MYO16: variants seen among roughly 807,000 people sequenced by gnomAD.
MYO16 encodes unconventional myosin-XVI.
In MYO16, 94 loss-of-function variants were observed where a neutral mutation model predicts 205.3. That is an observed-to-expected ratio of 0.46 (90% CI 0.39 to 0.54). The LOEUF (loss-of-function observed/expected upper bound fraction) is 0.54, where lower values mean the gene tolerates loss of function less well. MYO16 is among the 20% of genes least tolerant of loss of function. The probability of loss-of-function intolerance (pLI) is 0.00; values close to 1 mark genes in which losing one functional copy is unlikely to be tolerated. For missense variants in MYO16, 2,315 were observed against 2,387.5 expected (o/e 0.97, Z 0.63); for synonymous variants, 988 against 954.0 (o/e 1.04, Z -0.66).
chr13:108,795,302 G>A (rs1159361190), intron 6 of MYO16, among the ~76,000 whole-genome samples: 8 of 151,426 alleles, frequency 5.3e-5, no homozygotes, highest in Non-Finnish European at 7.4e-5. Context: ...AGTGATTCTC[G>A]TGTCCAAGTG....
chr13:109,013,078 T>TA (rs1226565637), intron 22 of MYO16, among the ~76,000 whole-genome samples: 2 of 148,106 alleles, frequency 1.4e-5, no homozygotes, highest in African/African-American at 2.5e-5. Context: ...ACTCATCATT[T>TA]ACATTAGGTA....
At position 108,972,868 on chromosome 13, in the gene MYO16, T is replaced by C. The variant is rs557021786; in HGVS notation, c.2369+7966T>C. 3.3e-5 allele frequency among the ~76,000 whole-genome samples: 5 copies of C among 152,206 alleles called. No homozygotes were observed. The East Asian group carries it at 9.7e-4, about 30-fold the overall frequency. On this transcript the variant is annotated intron_variant, in intron 20 of 34. Transcript: ENST00000457511. ...TTGTGGGTTTTCTTTTTTTGTTTTT[T>C]GGTTTTTTTCTTTTAAGAAAAATAA... is the stretch of plus-strand genomic sequence containing the variant.
intron 1 of MYO16, among the ~76,000 whole-genome samples, chr13:108,645,624 T>C (rs1488403871): frequency 6.6e-6 from 1 of 152,178 alleles, no homozygotes; most frequent in Non-Finnish European, 1.5e-5. Context: ...GTTTTCCCCT[T>C]ACCAGCTGTG....
intron 1 of MYO16, among the ~76,000 whole-genome samples, chr13:108,637,969 G>C (rs1880334041): frequency 6.6e-6 from 1 of 152,130 alleles, no homozygotes; most frequent in Non-Finnish European, 1.5e-5. Context: ...GTGTGAGACA[G>C]AGTAAGTAAG....
chr13:109,199,428 A>G (rs1006773143), intron 34 of MYO16, among the ~76,000 whole-genome samples: 7 of 151,920 alleles, frequency 4.6e-5, no homozygotes, highest in African/African-American at 1.7e-4. Flanking sequence ...TTTCCCAGTC[A>G]TAACACTTGC....
intron 29 of MYO16, among the ~76,000 whole-genome samples, chr13:109,123,772 C>G (rs185092059): frequency 6.6e-6 from 1 of 152,318 alleles, no homozygotes; most frequent in East Asian, 1.9e-4. Context: ...TTCTGTTCAG[C>G]TTTCTACCAG....
chr13:108,574,347 T>G, the MYO16 span, among the ~76,000 whole-genome samples: 1 of 152,202 alleles, frequency 6.6e-6, no homozygotes, highest in African/African-American at 2.4e-5. Flanking sequence ...TCTATTACCT[T>G]TCCTTTCAGT....
the MYO16 span, among the ~76,000 whole-genome samples, chr13:108,578,787 T>G: frequency 6.6e-6 from 1 of 152,098 alleles, no homozygotes; most frequent in South Asian, 2.1e-4. Flanking sequence ...ACTTTCTAAT[T>G]GGTCTTGTGG....
At chr13:108,558,085 C>G in the MYO16 span, among the ~76,000 whole-genome samples, 2 of 151,986 alleles carry the variant, frequency 1.3e-5, no homozygotes, top group South Asian at 2.1e-4. Context: ...ATTTTAGGAG[C>G]CTTACAGTAA....
chr13:108,964,769 A>G lies in MYO16; in HGVS notation c.2236A>G (p.Ile746Val). The G allele has an allele frequency of 6.2e-7, 1 of 1,614,044 alleles. No individual in the cohort carries two copies. The change falls in exon 20 of 35, where the codon ATA becomes GTA. Residue 746 changes from isoleucine (I) to valine (V), a missense_variant. Transcript: ENST00000457511. ...TDIQYFKGDM[I>V]IRRHTIQIAE... ...TCTTTCTACCATTTTAGGGGATATG[A>G]TAATACGACGACATACCATACAGAT... is the stretch of plus-strand genomic sequence containing the variant.
the MYO16 span, among the ~76,000 whole-genome samples, chr13:108,534,761 CTCTTCTTCCT>C: frequency 6.6e-6 from 1 of 151,458 alleles, no homozygotes; most frequent in Admixed American, 6.6e-5. Context: ...CCTCCTCCTC[CTCTTCTTCCT>C]TCTTCTTCCT....
At chr13:108,963,277 C>G in intron 19 of MYO16, among the ~76,000 whole-genome samples, 1 of 152,164 alleles carries the variant, frequency 6.6e-6, no homozygotes, top group East Asian at 1.9e-4. Context: ...GGCCTATGTG[C>G]ATGTATTTAG....
At chr13:108,934,224 A>G (rs1292393908) in intron 16 of MYO16, among the ~76,000 whole-genome samples, 2 of 152,158 alleles carry the variant, frequency 1.3e-5, no homozygotes, top group Non-Finnish European at 2.9e-5. Context: ...GTGTATAAGC[A>G]AGCCCTTTTC....
rs373960954 is a variant in MYO16 at position 109,129,478 on chromosome 13, G to A, written c.4051+1928G>A. On this transcript the variant is annotated intron_variant, in intron 31 of 34. Coordinates refer to ENST00000457511, the MANE Select transcript of MYO16 (RefSeq NM_001198950.3). ...TCTCCCCCGGTGCCACATATACCAG[G>A]AGAAGCCCAGGATCTGAGGGAGCCA... Among the ~76,000 whole-genome samples the A allele has an allele frequency of 5.3e-5, 8 of 152,254 alleles. No homozygotes were observed. The South Asian group carries it at 1.7e-3, about 32-fold the overall frequency.
chr13:109,065,607 C>G, intron 27 of MYO16: 1 of 467,906 alleles, frequency 2.1e-6, no homozygotes, highest in South Asian at 1.6e-5. Flanking sequence ...GTCTCAGCCA[C>G]CTTTCCCAAA....
intron 15 of MYO16, among the ~76,000 whole-genome samples, chr13:108,902,268 G>T (rs1880748356): frequency 6.6e-6 from 1 of 152,174 alleles, no homozygotes; most frequent in African/African-American, 2.4e-5. Context: ...AGAGGAAGGG[G>T]CAGACACCAG....
At chr13:108,590,615 A>G in the MYO16 span, among the ~76,000 whole-genome samples, 1 of 152,158 alleles carries the variant, frequency 6.6e-6, no homozygotes, top group African/African-American at 2.4e-5. Flanking sequence ...CCAATGACTG[A>G]TGTTCTTATG....
intron 16 of MYO16, among the ~76,000 whole-genome samples, chr13:108,912,403 T>C (rs2139239850): frequency 6.6e-6 from 1 of 152,196 alleles, no homozygotes; most frequent in African/African-American, 2.4e-5. Flanking sequence ...CAAAATACAA[T>C]AGAAGTTTAG....
intron 2 of MYO16, among the ~76,000 whole-genome samples, chr13:108,698,937 C>T (rs1258509558): frequency 1.3e-5 from 2 of 152,082 alleles, no homozygotes; most frequent in Non-Finnish European, 2.9e-5. Context: ...CACCCAAAAA[C>T]TCAAAGAGCA....
Sources: gnomAD v4.1 joint callset for allele counts (sites outside exome capture counted in the v4.1 genomes callset) on GRCh38, gnomAD v4.1.1 for gene constraint, MANE v1.5 for transcripts, NCBI Gene and HGNC (gene_info 2026-07-23, HGNC 2026-07-21) for gene names.